ZNF713: variants seen among roughly 807,000 people sequenced by gnomAD.
The protein encoded by ZNF713 is zinc finger protein 713.
Under a neutral mutation model 28.7 loss-of-function variants are expected in ZNF713, and 21 were observed. The ratio of observed to expected loss-of-function variants is 0.73; its 90% CI spans 0.52 to 1.05. ZNF713 has a LOEUF of 1.05. Ranked by LOEUF, ZNF713 falls within the 50% of genes least tolerant of loss-of-function variation. The probability of loss-of-function intolerance (pLI) is 0.00; values close to 1 mark genes in which losing one functional copy is unlikely to be tolerated. For missense variants in ZNF713, 458 were observed against 532.4 expected (o/e 0.86, Z 1.37); for synonymous variants, 167 against 178.0 (o/e 0.94, Z 0.49).
At chr7:55,892,489 A>G (rs1367657725) in intron 1 of ZNF713, among the ~76,000 whole-genome samples, 1 of 129,322 alleles carries the variant, frequency 7.7e-6, no homozygotes, top group East Asian at 2.7e-4. Flanking sequence ...AAGCATAACA[A>G]GTTTATTTGG....
intron 2 of ZNF713, among the ~76,000 whole-genome samples, chr7:55,907,490 C>T (rs182530970): frequency 2.7e-3 from 413 of 152,222 alleles, no homozygotes; most frequent in Non-Finnish European, 4.6e-3. Flanking sequence ...TGGTATTCCA[C>T]GTGCAGGTTT....
At position 55,911,984 on chromosome 7, in the gene ZNF713, C is replaced by G. The variant is rs753735288; in HGVS notation, c.-87C>G. The stretch of plus-strand genomic sequence containing the variant: ...CTGCTGACTTTCATGTAGAAGATAG[C>G]AGAGCTTTGGCGACATTACAACATA... On this transcript the variant is annotated 5_prime_UTR_variant, in exon 3 of 7. Coordinates refer to ENST00000429591, the MANE Select transcript of ZNF713 (RefSeq NM_182633.3). The G allele has an allele frequency of 2.6e-5, 4 of 152,188 alleles. No individual in the cohort carries two copies. Among genetic ancestry groups the G allele is most frequent in the African/African-American group, 9.7e-5 (4 of 41,424 alleles). The allele number at this position is 152,188 out of a possible 1,614,324, so 9.4% of individuals were successfully genotyped here. A position where few individuals can be genotyped will look rare whatever the true frequency, so the allele number is the denominator to read the frequency against.
chr7:55,923,159 C>G lies in ZNF713; in HGVS notation c.88-3C>G, dbSNP rs1562744797. The G allele has an allele frequency of 1.2e-6, 2 of 1,610,400 alleles. No individual in the cohort carries two copies. Among genetic ancestry groups the G allele is most frequent in the Non-Finnish European group, 1.7e-6 (2 of 1,178,394 alleles). ...CTGAGCAGGGATGTGCTTGATGTTT[C>G]AGGAATCACTGACGTTTCAGGATGT... On this transcript the variant is annotated splice_polypyrimidine_tract_variant and splice_region_variant and intron_variant, in intron 4 of 6. Transcript: ENST00000429591.
chr7:55,918,424 G>C (rs1562743092), intron 4 of ZNF713: 1 of 179,254 alleles, frequency 5.6e-6, no homozygotes, highest in African/African-American at 2.3e-5. Context: ...CAAGTTTTGG[G>C]ATGGTTTGTT....
At chr7:55,919,398 G>T (rs2116230026) in intron 4 of ZNF713, among the ~76,000 whole-genome samples, 1 of 151,036 alleles carries the variant, frequency 6.6e-6, no homozygotes, top group Admixed American at 6.6e-5. Context: ...AGTCTCACAG[G>T]GAACCCAAAG....
chr7:55,905,777 A>G (rs1785667002), intron 1 of ZNF713, among the ~76,000 whole-genome samples: 1 of 152,046 alleles, frequency 6.6e-6, no homozygotes, highest in Middle Eastern at 3.2e-3. Flanking sequence ...TTTTTGGTAA[A>G]CAGCTCAGGA....
chr7:55,901,212 A>G (rs926705003), intron 1 of ZNF713, among the ~76,000 whole-genome samples: 34 of 152,314 alleles, frequency 2.2e-4, no homozygotes, highest in Admixed American at 7.2e-4. Flanking sequence ...GTGGAAGGCA[A>G]GGAGGAGCAA....
At chr7:55,890,863 C>T (rs1378659021) in intron 1 of ZNF713, among the ~76,000 whole-genome samples, 1 of 151,700 alleles carries the variant, frequency 6.6e-6, no homozygotes, top group Non-Finnish European at 1.5e-5. Flanking sequence ...CCTAAAAATA[C>T]AAATATTAGC....
chr7:55,890,940 G>A (rs1384985483), intron 1 of ZNF713, among the ~76,000 whole-genome samples: 1 of 150,380 alleles, frequency 6.6e-6, no homozygotes, highest in Non-Finnish European at 1.5e-5. Flanking sequence ...AGGTTGCAGT[G>A]AGCCTGGATT....
chr7:55,919,454 A>G (rs900820548), intron 4 of ZNF713, among the ~76,000 whole-genome samples: 4 of 82,312 alleles, frequency 4.9e-5, no homozygotes, highest in Non-Finnish European at 6.5e-5. Flanking sequence ...TGGCATTTGT[A>G]TTGTAGTGTA....
At chr7:55,900,137 T>C (rs190013174) in intron 1 of ZNF713, among the ~76,000 whole-genome samples, 339 of 152,292 alleles carry the variant, frequency 2.2e-3, no homozygotes, top group Middle Eastern at 6.8e-3. Flanking sequence ...AGTCAAGATA[T>C]GGAAGTGACC....
intron 1 of ZNF713, among the ~76,000 whole-genome samples, 200 bp downstream of exon 1, chr7:55,887,880 CGG>C (rs1160220649): frequency 7.1e-5 from 1 of 13,998 alleles, no homozygotes; most frequent in African/African-American, 4.7e-4. Flanking sequence ...GCGGCGGCGG[CGG>C]CGGCGGGCGG....
At chr7:55,897,065 TA>T (rs1253122450) in intron 1 of ZNF713, among the ~76,000 whole-genome samples, 1 of 151,992 alleles carries the variant, frequency 6.6e-6, no homozygotes, top group Non-Finnish European at 1.5e-5. Flanking sequence ...AATAAATGAA[TA>T]GGGGATAAGA....
intron 1 of ZNF713, among the ~76,000 whole-genome samples, chr7:55,891,457 T>C (rs1024293252): frequency 1.3e-5 from 2 of 149,864 alleles, no homozygotes; most frequent in African/African-American, 4.9e-5. Context: ...AGAAAAAAAA[T>C]TAAATCATAG....
chr7:55,932,291 A>C (rs1041479440), intron 6 of ZNF713, among the ~76,000 whole-genome samples: 1 of 147,856 alleles, frequency 6.8e-6, no homozygotes, highest in Non-Finnish European at 1.5e-5. Context: ...CACTTTGGGA[A>C]GCCAAGGCGG....
chr7:55,903,672 A>C (rs1045978149), intron 1 of ZNF713, among the ~76,000 whole-genome samples: 3 of 151,336 alleles, frequency 2.0e-5, no homozygotes, highest in Admixed American at 6.6e-5. Flanking sequence ...GTCTTAAAAA[A>C]AAAAAACAAA....
intron 1 of ZNF713, among the ~76,000 whole-genome samples, chr7:55,888,293 C>T (rs560897537): frequency 7.9e-4 from 120 of 152,236 alleles, no homozygotes; most frequent in Non-Finnish European, 1.2e-3. Context: ...CATTGCCTTG[C>T]TGTTATCCGT....
At chr7:55,923,359 C>A in intron 5 of ZNF713, 71 bp downstream of exon 5, 1 of 1,536,530 alleles carries the variant, frequency 6.5e-7, no homozygotes. Context: ...TAGAAGCCTG[C>A]AAAGTTTTTG....
chr7:55,893,908 G>C (rs1162848155), intron 1 of ZNF713, among the ~76,000 whole-genome samples: 1 of 152,124 alleles, frequency 6.6e-6, no homozygotes, highest in Non-Finnish European at 1.5e-5. Context: ...GACCTGCCTT[G>C]GGGAAGGGGT....
Sources: gnomAD v4.1 joint callset for allele counts (sites outside exome capture counted in the v4.1 genomes callset) on GRCh38, gnomAD v4.1.1 for gene constraint, MANE v1.5 for transcripts, NCBI Gene and HGNC (gene_info 2026-07-23, HGNC 2026-07-21) for gene names.